RALGAPA2: variants seen among roughly 807,000 people sequenced by gnomAD.
RALGAPA2 encodes the protein Ral GTPase activating protein catalytic subunit alpha 2.
Under a neutral mutation model 230.4 loss-of-function variants are expected in RALGAPA2, and 139 were observed. The ratio of observed to expected loss-of-function variants is 0.60; its 90% CI spans 0.53 to 0.69. RALGAPA2 has a LOEUF of 0.69. Among genes scored for constraint, RALGAPA2 ranks in the 30% least tolerant of loss-of-function variants. The pLI, the probability that RALGAPA2 is intolerant of heterozygous loss-of-function variation, is 0.00. For synonymous variants in RALGAPA2, 847 were observed against 837.8 expected (o/e 1.01, Z -0.19); for missense variants, 2,163 against 2,276.0 (o/e 0.95, Z 1.01).
At chr20:20,544,138 T>C (rs1296904591) in intron 24 of RALGAPA2, among the ~76,000 whole-genome samples, 2 of 151,240 alleles carry the variant, frequency 1.3e-5, no homozygotes, top group Admixed American at 6.6e-5. Flanking sequence ...CAGGAAACAA[T>C]AGGCCGGGCA....
At chr20:20,464,837 T>C (rs541403263) in intron 37 of RALGAPA2, among the ~76,000 whole-genome samples, 5 of 152,304 alleles carry the variant, frequency 3.3e-5, no homozygotes, top group Non-Finnish European at 1.5e-5. Context: ...AATTTTTCGG[T>C]AAAAATTATT....
intron 39 of RALGAPA2, among the ~76,000 whole-genome samples, chr20:20,393,774 T>A (rs2059647001): frequency 6.6e-6 from 1 of 152,222 alleles, no homozygotes; most frequent in African/African-American, 2.4e-5. Flanking sequence ...TGAGTCCAGA[T>A]GAGCATACAG....
Position 20,589,259 on chromosome 20 carries a change from A to G in RALGAPA2, c.2439+9T>C. 1 of 1,549,548 alleles carries G rather than the reference A, an allele frequency of 6.5e-7. No homozygotes were observed. The highest frequency in any genetic ancestry group is 8.7e-7 in the Non-Finnish European group (1 of 1,146,126). ...AATGACAAACTGAAATGGCTTGAAA[A>G]TATCTTACTGTTATTCCTTCATGTT... On this transcript the variant is annotated intron_variant, in intron 18 of 39. Coordinates refer to ENST00000202677, the MANE Select transcript of RALGAPA2 (RefSeq NM_020343.4).
chr20:20,454,415 G>C (rs2061061438), intron 37 of RALGAPA2, among the ~76,000 whole-genome samples: 1 of 152,182 alleles, frequency 6.6e-6, no homozygotes, highest in Non-Finnish European at 1.5e-5. Context: ...GGCCACTGCT[G>C]CCTGCTCCTT....
intron 9 of RALGAPA2, among the ~76,000 whole-genome samples, chr20:20,630,402 A>G (rs573365882): frequency 6.6e-6 from 1 of 152,358 alleles, no homozygotes; most frequent in East Asian, 1.9e-4. Flanking sequence ...GAGACAAGAT[A>G]TGAATAGTAC....
chr20:20,509,261 G>A (rs1262981518), intron 33 of RALGAPA2, among the ~76,000 whole-genome samples: 1 of 152,198 alleles, frequency 6.6e-6, no homozygotes, highest in Non-Finnish European at 1.5e-5. Flanking sequence ...AGGGCAAGGT[G>A]AGAAATGGCA....
chr20:20,690,111 T>A (rs2068850936), intron 1 of RALGAPA2, among the ~76,000 whole-genome samples: 1 of 152,214 alleles, frequency 6.6e-6, no homozygotes, highest in Admixed American at 6.5e-5. Flanking sequence ...ATCATCAAGA[T>A]TTCGTATTTC....
chr20:20,526,925 C>T (rs1455331705), intron 27 of RALGAPA2, among the ~76,000 whole-genome samples: 1 of 152,154 alleles, frequency 6.6e-6, no homozygotes, highest in Non-Finnish European at 1.5e-5. Flanking sequence ...TTATGGTATA[C>T]TCAATTATTT....
chr20:20,598,936 A>C, intron 16 of RALGAPA2: 1 of 352,678 alleles, frequency 2.8e-6, no homozygotes, highest in South Asian at 2.2e-5. Flanking sequence ...TAAACTTTTA[A>C]ACTTTAAAGG....
At chr20:20,446,172 T>C (rs1471153775) in intron 37 of RALGAPA2, among the ~76,000 whole-genome samples, 1 of 152,218 alleles carries the variant, frequency 6.6e-6, no homozygotes. Context: ...TGAATGTATA[T>C]GTTTCTAGTT....
At chr20:20,443,810 T>G (rs973118657) in intron 37 of RALGAPA2, among the ~76,000 whole-genome samples, 1 of 152,244 alleles carries the variant, frequency 6.6e-6, no homozygotes, top group Non-Finnish European at 1.5e-5. Context: ...AAGTCCTGGA[T>G]AGCTGTTAGC....
rs2069135890 is a variant in RALGAPA2, at chr20:20,696,928, G to T, written c.106+15447C>A. 2.0e-5 allele frequency among the ~76,000 whole-genome samples: 3 copies of T among 152,136 alleles called. No homozygotes were observed. In the South Asian group the frequency reaches 6.2e-4, roughly 32 times the overall value. On this transcript the variant is annotated intron_variant, in intron 1 of 39. Transcript: ENST00000202677. ...TTTGTTCTTGATTTTTAGAGATGGG[G>T]TCTCACTGTGTTGGCCAGGTTGGTC...
At position 20,712,304 on chromosome 20, in the gene RALGAPA2, A is replaced by G; in HGVS notation, c.106+71T>C. The G allele has an allele frequency of 8.9e-7, 1 of 1,125,760 alleles. No homozygotes were observed. The highest frequency in any genetic ancestry group is 1.2e-6 in the Non-Finnish European group (1 of 832,314). The allele number at this position is 1,125,760 out of a possible 1,614,324, so 69.7% of individuals were successfully genotyped here. ...CAGCCTCCCAGCCACCGACCCCTGC[A>G]CAGAGGAGCGCCCTCCCGGCAGGTG... On this transcript the variant is annotated intron_variant, in intron 1 of 39. Transcript: ENST00000202677. The surrounding 1 kb of genome is among the most constrained non-coding windows in gnomAD (Gnocchi z 5.5).
chr20:20,611,326 A>G lies in RALGAPA2; in HGVS notation c.1789T>C (p.Leu597=). Residue 597 remains leucine (L), a synonymous_variant, in exon 14 of 40, where the codon TTA becomes CTA. Transcript: ENST00000202677. ...KDLFAQSLAG[L]LFRTLMVAWI... is the part of the protein sequence containing the mutation. The stretch of plus-strand genomic sequence containing the variant: ...TAAAAAAGACTTACCCTAAATAGTA[A>G]CCCTGCCAAGCTCTGGGCAAACAAG... 1.2e-6 allele frequency: 2 copies of G among 1,611,046 alleles called. No homozygotes were observed. The highest frequency in any genetic ancestry group is 1.1e-5 in the South Asian group (1 of 90,494).
chr20:20,629,320 A>G, intron 10 of RALGAPA2, 43 bp downstream of exon 10: 2 of 1,107,732 alleles, frequency 1.8e-6, no homozygotes, highest in Non-Finnish European at 2.6e-6. Flanking sequence ...AAGAACTTGT[A>G]ACACACACAC....
At chr20:20,678,662 G>C (rs2068418848) in intron 2 of RALGAPA2, among the ~76,000 whole-genome samples, 1 of 151,928 alleles carries the variant, frequency 6.6e-6, no homozygotes, top group African/African-American at 2.4e-5. Context: ...TCCTCAATCT[G>C]CAAACAGGCC....
chr20:20,581,943 T>C (rs933451373), intron 20 of RALGAPA2, among the ~76,000 whole-genome samples: 5 of 152,220 alleles, frequency 3.3e-5, no homozygotes, highest in Non-Finnish European at 7.3e-5. Flanking sequence ...GTTGTTTTCA[T>C]ACAAGATACC....
chr20:20,601,465 A>G (rs1464181078), intron 16 of RALGAPA2, among the ~76,000 whole-genome samples: 2 of 152,236 alleles, frequency 1.3e-5, no homozygotes, highest in African/African-American at 4.8e-5. Flanking sequence ...TATCAACATC[A>G]CAAGTTCTTT....
At chr20:20,535,643 G>A in intron 26 of RALGAPA2, 102 bp downstream of exon 26, 1 of 1,438,864 alleles carries the variant, frequency 6.9e-7, no homozygotes, top group Non-Finnish European at 9.2e-7. Flanking sequence ...CTGTATAAGA[G>A]CTATGTGAAA....
Sources: allele counts gnomAD v4.1 joint callset (sites outside exome capture counted in the v4.1 genomes callset), GRCh38; gene constraint gnomAD v4.1.1; non-coding constraint Gnocchi (gnomAD v3.1); transcripts MANE v1.5; gene names NCBI Gene and HGNC (gene_info 2026-07-23, HGNC 2026-07-21).